Variants in SDK1 observed in about 807,000 individuals in gnomAD.
SDK1 encodes sidekick cell adhesion molecule 1.
SDK1 carries 157 observed loss-of-function variants against 245.5 expected under a neutral mutation model. The observed-to-expected ratio is 0.64, with a 90% CI of 0.56 to 0.73. The LOEUF is 0.73. Ranked by LOEUF, SDK1 falls within the 30% of genes least tolerant of loss-of-function variation. The pLI, the probability that SDK1 is intolerant of heterozygous loss-of-function variation, is 0.00. For missense variants in SDK1, 3,583 were observed against 3,002.3 expected (o/e 1.19, Z -4.52); for synonymous variants, 1,647 against 1,278.5 (o/e 1.29, Z -6.15).
intron 4 of SDK1, among the ~76,000 whole-genome samples, chr7:3,650,685 A>G (rs1294500376): frequency 3.3e-5 from 5 of 152,318 alleles, no homozygotes; most frequent in African/African-American, 1.2e-4. Context: ...TTAACCTTTT[A>G]TGGCCATAAC....
intron 29 of SDK1, among the ~76,000 whole-genome samples, chr7:4,146,782 C>T (rs1335644098): frequency 6.6e-6 from 1 of 152,246 alleles, no homozygotes; most frequent in Admixed American, 6.5e-5. Context: ...GTGCTCCATG[C>T]ACTGCACTTG....
chr7:3,574,652 C>G (rs2178627), intron 1 of SDK1, among the ~76,000 whole-genome samples: 85,282 of 151,868 alleles, frequency 0.56, 25,574 homozygotes, highest in African/African-American at 0.75. Context: ...TTCCCCTCCA[C>G]GCATACATTT....
At chr7:3,601,123 C>T (rs1394795417) in intron 1 of SDK1, among the ~76,000 whole-genome samples, 1 of 152,078 alleles carries the variant, frequency 6.6e-6, no homozygotes, top group African/African-American at 2.4e-5. Flanking sequence ...ATTTCATTTG[C>T]TAATATTTTG....
At chr7:3,636,168 T>C (rs1166077817) in intron 2 of SDK1, among the ~76,000 whole-genome samples, 2 of 152,204 alleles carry the variant, frequency 1.3e-5, no homozygotes, top group Non-Finnish European at 2.9e-5. Flanking sequence ...CATAAATCTC[T>C]CCATCACCTC....
At chr7:3,533,920 C>T (rs1031927085) in intron 1 of SDK1, among the ~76,000 whole-genome samples, 1 of 149,430 alleles carries the variant, frequency 6.7e-6, no homozygotes, top group African/African-American at 2.5e-5. Flanking sequence ...AAACCCTTAA[C>T]ATGAGATCTA....
intron 4 of SDK1, among the ~76,000 whole-genome samples, chr7:3,654,914 T>G (rs1783114734): frequency 6.6e-6 from 1 of 152,186 alleles, no homozygotes; most frequent in Admixed American, 6.5e-5. Flanking sequence ...ACATCTGAAG[T>G]CAGTTGCACA....
chr7:4,258,966 T>G (rs973350940), intron 44 of SDK1, among the ~76,000 whole-genome samples: 2 of 152,232 alleles, frequency 1.3e-5, no homozygotes, highest in Admixed American at 6.5e-5. Flanking sequence ...TCCCTAAGTT[T>G]CAGGAAGTTT....
chr7:3,705,338 T>C (rs1784853498), intron 4 of SDK1, among the ~76,000 whole-genome samples: 1 of 152,046 alleles, frequency 6.6e-6, no homozygotes, highest in Non-Finnish European at 1.5e-5. Context: ...TGTGTTTCCA[T>C]TTATTTGTCA....
chr7:4,063,952 G>T (rs1260827816), intron 19 of SDK1, among the ~76,000 whole-genome samples: 1 of 152,130 alleles, frequency 6.6e-6, no homozygotes, highest in Non-Finnish European at 1.5e-5. Context: ...AGACTTAAAT[G>T]TAACACTTGA....
chr7:3,374,801 A>G (rs1781312763), intron 1 of SDK1, among the ~76,000 whole-genome samples: 1 of 151,982 alleles, frequency 6.6e-6, no homozygotes, highest in Non-Finnish European at 1.5e-5. Flanking sequence ...ACTTTTTAAA[A>G]TTTTTCAGAA....
intron 28 of SDK1, among the ~76,000 whole-genome samples, chr7:4,139,699 G>GTGTA (rs1779426500): frequency 4.9e-5 from 3 of 61,798 alleles, no homozygotes; most frequent in African/African-American, 1.4e-4. Flanking sequence ...GTATGTGTGT[G>GTGTA]TGTGTATGTG....
chr7:3,584,117 A>T (rs1780605364), intron 1 of SDK1, among the ~76,000 whole-genome samples: 1 of 152,184 alleles, frequency 6.6e-6, no homozygotes, highest in South Asian at 2.1e-4. Flanking sequence ...TGTTTTTGCA[A>T]ACCTATTTTG....
At position 4,065,714 on chromosome 7, in the gene SDK1, T is replaced by G. The variant is rs947650080; in HGVS notation, c.2912-2124T>G. Among the ~76,000 whole-genome samples the G allele has an allele frequency of 9.1e-3, 1,303 of 143,514 alleles. 26 individuals carry two copies. Among genetic ancestry groups the G allele is most frequent in the South Asian group, 0.029 (126 of 4,350 alleles). 94.2% of individuals were successfully genotyped at this position (143,514 alleles called of 152,430 possible). Reference sequence around the variant, plus strand: ...TTGTTGTTTTTTTTTTTTTTTTTTTTTTTTTTTTTTTTTTTGAGGCTGTTA... The same window carrying G: ...TTGTTGTTTTTTTTTTTTTTTTTTTGTTTTTTTTTTTTTTTGAGGCTGTTA... On this transcript the variant is annotated intron_variant, in intron 19 of 44. Transcript: ENST00000404826.
chr7:3,503,293 T>C (rs1336907560), intron 1 of SDK1, among the ~76,000 whole-genome samples: 2 of 152,336 alleles, frequency 1.3e-5, no homozygotes, highest in Admixed American at 6.5e-5. Flanking sequence ...ATTATTTGGC[T>C]TATTTATAAA....
intron 1 of SDK1, among the ~76,000 whole-genome samples, chr7:3,440,806 A>G (rs1049748456): frequency 1.3e-5 from 2 of 152,210 alleles, no homozygotes; most frequent in Non-Finnish European, 2.9e-5. Flanking sequence ...TGCAAAAGTT[A>G]TGGCCACAAT....
chr7:3,737,238 C>G lies in SDK1; in HGVS notation c.714-84212C>G, dbSNP rs114688901. Among the ~76,000 whole-genome samples, 655 of 152,296 alleles carry G rather than the reference C, an allele frequency of 4.3e-3. 5 individuals are homozygous for G. Among genetic ancestry groups the G allele is most frequent in the African/African-American group, 0.015 (636 of 41,574 alleles). ...CATAGGCTGGGCTCCGCAGTTGGAC[C>G]GGACTGCTGTCTGGGCTCTCTGGTC... On this transcript the variant is annotated intron_variant, in intron 4 of 44. Transcript: ENST00000404826.
intron 40 of SDK1, chr7:4,233,022 A>C (rs1158711521): frequency 2.2e-6 from 1 of 455,322 alleles, no homozygotes; most frequent in Admixed American, 3.4e-5. Flanking sequence ...TCAAGTGTCC[A>C]GTTCAGTAGC....
rs13308938 is a variant in SDK1 at position 3,579,420 on chromosome 7, A to G, written c.299-39660A>G. ...CATTACATAAACAGAACTAAAGACA[A>G]AAATCACATGATTATCTCAATAGGT... On this transcript the variant is annotated intron_variant, in intron 1 of 44. Coordinates refer to ENST00000404826, the MANE Select transcript of SDK1 (RefSeq NM_152744.4). Among the ~76,000 whole-genome samples the G allele has an allele frequency of 1.4e-3, 219 of 152,380 alleles. 2 individuals are homozygous for G. Among genetic ancestry groups the G allele is most frequent in the African/African-American group, 5.0e-3 (210 of 41,588 alleles).
intron 4 of SDK1, among the ~76,000 whole-genome samples, chr7:3,677,261 G>A (rs1478799001): frequency 6.6e-6 from 1 of 151,998 alleles, no homozygotes. Context: ...CATACGATAA[G>A]CATCTTTGGC....
Sources: allele counts gnomAD v4.1 joint callset (sites outside exome capture counted in the v4.1 genomes callset), GRCh38; gene constraint gnomAD v4.1.1; transcripts MANE v1.5; gene names NCBI Gene and HGNC (gene_info 2026-07-23, HGNC 2026-07-21).